Variants in PTPRQ observed in about 807,000 individuals in gnomAD.
PTPRQ encodes phosphatidylinositol phosphatase PTPRQ.
A neutral mutation model predicts 246.0 loss-of-function variants in PTPRQ; 199 were observed. The observed-to-expected ratio is 0.81, with a 90% CI of 0.72 to 0.91. PTPRQ has a LOEUF of 0.91. PTPRQ is among the 40% of genes least tolerant of loss of function. The pLI is 0.00. For synonymous variants in PTPRQ, 869 were observed against 853.2 expected (o/e 1.02, Z -0.32); for missense variants, 2,624 against 2,528.4 (o/e 1.04, Z -0.81).
At chr12:80,484,256 C>T (rs1203085659) in intron 8 of PTPRQ, among the ~76,000 whole-genome samples, 177 bp from the exon 9 acceptor site, 1 of 152,090 alleles carries the variant, frequency 6.6e-6, no homozygotes, top group Non-Finnish European at 1.5e-5. Flanking sequence ...ATTGGCCTCC[C>T]TTGGCCTCCC....
intron 25 of PTPRQ, among the ~76,000 whole-genome samples, chr12:80,558,123 CT>C (rs554678764): frequency 4.2e-5 from 3 of 72,162 alleles, no homozygotes; most frequent in South Asian, 4.9e-4. Flanking sequence ...TTCTTTCTTT[CT>C]TTTCTTTTCT....
At chr12:80,523,967 T>C (rs1227025710) in intron 17 of PTPRQ, among the ~76,000 whole-genome samples, 1 of 152,144 alleles carries the variant, frequency 6.6e-6, no homozygotes, top group Non-Finnish European at 1.5e-5. Flanking sequence ...CAGGGGGTGT[T>C]AAAGTCTCCC....
In PTPRQ at chr12:80,514,953, A is replaced by G. The variant is rs548229742; in HGVS notation, c.2678+4510A>G. Among the ~76,000 whole-genome samples, 35 of 149,160 alleles carry G rather than the reference A, an allele frequency of 2.3e-4. No homozygotes were observed. The South Asian group carries it at 7.1e-3, about 30-fold the overall frequency. On this transcript the variant is annotated intron_variant, in intron 17 of 44. Transcript: ENST00000644991. ...AATATATATGTAATATATATAATTA[A>G]ATATACACATATATTTAAATTTTCA... is the stretch of plus-strand genomic sequence containing the variant.
intron 19 of PTPRQ, among the ~76,000 whole-genome samples, chr12:80,536,824 T>C (rs2120817613): frequency 6.6e-6 from 1 of 152,308 alleles, no homozygotes; most frequent in Non-Finnish European, 1.5e-5. Context: ...AAATTGGAGA[T>C]TTTCCTTCTT....
At chr12:80,453,357 C>T (rs1171317296) in intron 3 of PTPRQ, among the ~76,000 whole-genome samples, 1 of 152,218 alleles carries the variant, frequency 6.6e-6, no homozygotes, top group Non-Finnish European at 1.5e-5. Flanking sequence ...AAGCCTTCTT[C>T]TCTCAACTCG....
rs7965277 is a variant in PTPRQ, at chr12:80,506,569, T to C, written c.2456T>C (p.Val819Ala). The change falls in exon 16 of 45, where the codon GTA becomes GCA. Residue 819 changes from valine to alanine, a missense_variant and splice_region_variant. Transcript: ENST00000644991. Reference sequence around the variant, plus strand: ...ACTTACCTATTTGATTTCTCTTTAGTACTGAAGAAATATACCCAATATATC... The same window carrying C: ...ACTTACCTATTTGATTTCTCTTTAGCACTGAAGAAATATACCCAATATATC... ...NTTSLTQNIK[V>A]LKKYTQYIIE... The C allele has an allele frequency of 3.9e-6, 6 of 1,519,602 alleles. No individual in the cohort carries two copies. In the South Asian group the frequency reaches 6.2e-5, roughly 16 times the overall value. The allele number at this position is 1,519,602 out of a possible 1,614,324, so 94.1% of individuals were successfully genotyped here.
intron 41 of PTPRQ, 27 bp downstream of exon 41, chr12:80,669,491 A>G: frequency 1.3e-6 from 2 of 1,528,220 alleles, no homozygotes; most frequent in East Asian, 2.5e-5. Flanking sequence ...GGGACGAGAG[A>G]ACATGATATA....
intron 9 of PTPRQ, among the ~76,000 whole-genome samples, 175 bp from the exon 10 acceptor site, chr12:80,493,100 G>A (rs983983557): frequency 6.6e-5 from 10 of 151,948 alleles, no homozygotes; most frequent in African/African-American, 2.4e-4. Flanking sequence ...ATGATTCAGG[G>A]TATTAGTAGC....
At chr12:80,603,313 G>C (rs1309842001) in intron 26 of PTPRQ, among the ~76,000 whole-genome samples, 1 of 151,562 alleles carries the variant, frequency 6.6e-6, no homozygotes, top group Non-Finnish European at 1.5e-5. Context: ...CTTTTTCATA[G>C]TTACCTGAGT....
At position 80,534,077 on chromosome 12, in the gene PTPRQ, A is replaced by G; in HGVS notation, c.2741A>G (p.Asp914Gly). ...ACATCATTGGAGTTATCAGATTTGGATTATAATGTTGAATACAGTGCTTAT... is the reference window on the plus strand; with the variant it reads ...ACATCATTGGAGTTATCAGATTTGGGTTATAATGTTGAATACAGTGCTTAT... ...TETSLELSDL[D>G]YNVEYSAYVT... Residue 914 changes from aspartate (D) to glycine (G), a missense_variant, in exon 18 of 45, where the codon GAT becomes GGT. Physicochemically the swap from Asp to Gly is moderately conservative, Grantham distance 94. Coordinates refer to ENST00000644991, the MANE Select transcript of PTPRQ (RefSeq NM_001145026.2). 1 of 1,537,786 alleles carries G rather than the reference A, an allele frequency of 6.5e-7. No homozygotes were observed. The highest frequency in any genetic ancestry group is 2.5e-5 in the East Asian group (1 of 40,172).
chr12:80,472,071 A>C, intron 7 of PTPRQ, 34 bp from the exon 8 acceptor site: 1 of 1,550,168 alleles, frequency 6.5e-7, no homozygotes, highest in Non-Finnish European at 8.7e-7. Context: ...CGCTTGATAA[A>C]AAATAATCCA....
intron 8 of PTPRQ, among the ~76,000 whole-genome samples, chr12:80,473,798 G>A (rs1343298808): frequency 6.6e-6 from 1 of 152,086 alleles, no homozygotes; most frequent in Admixed American, 6.6e-5. Flanking sequence ...ATTTCACAAG[G>A]CCTATTTTTC....
At chr12:80,468,650 A>T in intron 6 of PTPRQ, 60 bp from the exon 7 acceptor site, 2 of 1,424,424 alleles carry the variant, frequency 1.4e-6, no homozygotes, top group Non-Finnish European at 1.8e-6. Flanking sequence ...ATGTGTATTT[A>T]ATAGGGTGCG....
Position 80,605,160 on chromosome 12 carries a change from T to G in PTPRQ, c.4711T>G (p.Tyr1571Asp), listed in dbSNP as rs1343686233. 1.9e-6 allele frequency: 3 copies of G among 1,542,464 alleles called. No homozygotes were observed. The highest frequency in any genetic ancestry group is 2.6e-6 in the Non-Finnish European group (3 of 1,141,952). ...TGCTGTCATTACTGGACCAACATGT[T>G]ATCTGATTGATGTCAAATCGGTAAG... is the stretch of plus-strand genomic sequence containing the variant. ...EPAVITGPTC[Y>D]LIDVKSVDND... Residue 1571 changes from tyrosine to aspartate, a missense_variant, in exon 27 of 45, where the codon TAT becomes GAT. By Grantham distance (160) the Tyr-to-Asp change is radical. Coordinates refer to ENST00000644991, the MANE Select transcript of PTPRQ (RefSeq NM_001145026.2).
rs1897450099 is a variant in PTPRQ at position 80,581,873 on chromosome 12, A to T, written c.4286-6256A>T. Reference sequence around the variant, plus strand: ...GAAGTGCAATAAGCTTCACACTGAAACAGAATTTTTTCCCTCTGAAACTTT... The same window carrying T: ...GAAGTGCAATAAGCTTCACACTGAATCAGAATTTTTTCCCTCTGAAACTTT... On this transcript the variant is annotated intron_variant, in intron 25 of 44. Transcript: ENST00000644991. Among the ~76,000 whole-genome samples, 3 of 152,182 alleles carry T rather than the reference A, an allele frequency of 2.0e-5. No homozygotes were observed. In the South Asian group the frequency reaches 6.2e-4, roughly 32 times the overall value.
At chr12:80,458,550 T>A (rs919223365) in intron 4 of PTPRQ, among the ~76,000 whole-genome samples, 1 of 151,530 alleles carries the variant, frequency 6.6e-6, no homozygotes, top group Non-Finnish European at 1.5e-5. Flanking sequence ...TTTTTTTTTA[T>A]CTCAGACGTT....
chr12:80,619,517 A>T lies in PTPRQ; in HGVS notation c.5364A>T (p.Val1788=). The T allele has an allele frequency of 6.5e-7, 1 of 1,538,730 alleles. No homozygotes were observed. Among genetic ancestry groups the T allele is most frequent in the Non-Finnish European group, 8.8e-7 (1 of 1,139,496 alleles). ...YSDDHGPIKN[V]QVLVTETGAQ... ...ATGATCATGGACCAATAAAAAATGTACAAGTGCTTGTGACAGAAACAGGAG... is the reference window on the plus strand; with the variant it reads ...ATGATCATGGACCAATAAAAAATGTTCAAGTGCTTGTGACAGAAACAGGAG... Residue 1788 remains valine (V), a synonymous_variant, in exon 31 of 45, where the codon GTA becomes GTT. Transcript: ENST00000644991.
chr12:80,570,955 G>A (rs539545006), intron 25 of PTPRQ, among the ~76,000 whole-genome samples: 2 of 152,148 alleles, frequency 1.3e-5, no homozygotes, highest in African/African-American at 4.8e-5. Flanking sequence ...TATCTGTTTG[G>A]TACCAGTACC....
At chr12:80,539,012 A>C (rs766974471) in intron 19 of PTPRQ, among the ~76,000 whole-genome samples, 42 of 152,180 alleles carry the variant, frequency 2.8e-4, no homozygotes, top group Non-Finnish European at 5.4e-4. Context: ...GAAATTATAA[A>C]ATTATTCATA....
Sources: allele counts gnomAD v4.1 joint callset (sites outside exome capture counted in the v4.1 genomes callset), GRCh38; gene constraint gnomAD v4.1.1; transcripts MANE v1.5; gene names NCBI Gene and HGNC (gene_info 2026-07-23, HGNC 2026-07-21).